Variants in NXPE2 observed in about 807,000 individuals in gnomAD.
NXPE2 encodes NXPE family member 2.
In NXPE2, 34 loss-of-function variants were observed where a neutral mutation model predicts 34.4. That is an observed-to-expected ratio of 0.99 (90% CI 0.75 to 1.31). The LOEUF (loss-of-function observed/expected upper bound fraction) is 1.31, where lower values mean the gene tolerates loss of function less well. Ranked by LOEUF, NXPE2 falls within the 40% of genes most tolerant of loss-of-function variation. The probability of loss-of-function intolerance (pLI) is 0.00; values close to 1 mark genes in which losing one functional copy is unlikely to be tolerated. For synonymous variants in NXPE2, 235 were observed against 231.3 expected, an observed-to-expected ratio of 1.02 and a Z score of -0.15; for missense variants, 649 against 672.5, an observed-to-expected ratio of 0.97 and a Z score of 0.39.
At chr11:114,629,607 G>C in the NXPE2 span, among the ~76,000 whole-genome samples, 7 of 151,918 alleles carry the variant, frequency 4.6e-5, no homozygotes, top group Non-Finnish European at 1.0e-4. Flanking sequence ...TTGAAAACTG[G>C]CACAAGACAG....
chr11:114,577,451 C>A, the NXPE2 span, among the ~76,000 whole-genome samples: 8 of 152,178 alleles, frequency 5.3e-5, no homozygotes, highest in Admixed American at 3.9e-4. Flanking sequence ...GCACAGTGTA[C>A]ACTGCTCGGG....
chr11:114,522,569 C>T, the NXPE2 span: 4 of 1,352,106 alleles, frequency 3.0e-6, no homozygotes, highest in Non-Finnish European at 4.0e-6. Flanking sequence ...AAAAGAATGT[C>T]CTATCATTTA....
chr11:114,770,178 C>A, the NXPE2 span, among the ~76,000 whole-genome samples: 4 of 152,282 alleles, frequency 2.6e-5, no homozygotes, highest in African/African-American at 9.6e-5. Flanking sequence ...TCATGTTACC[C>A]CTAAACTCTA....
chr11:114,588,779 T>C, the NXPE2 span, among the ~76,000 whole-genome samples: 1 of 152,188 alleles, frequency 6.6e-6, no homozygotes. Flanking sequence ...ACAGCCTTTA[T>C]GGAAAGGCTG....
the NXPE2 span, among the ~76,000 whole-genome samples, chr11:114,469,635 A>ACC: frequency 1.2e-4 from 17 of 145,924 alleles, no homozygotes; most frequent in African/African-American, 4.3e-4. Context: ...GATTACATGC[A>ACC]CCCCCCCCAC....
chr11:114,679,764 T>G lies in NXPE2; in HGVS notation c.132+2T>G, dbSNP rs1284702872. 7.9e-6 allele frequency: 12 copies of G among 1,527,548 alleles called. No homozygotes were observed. The East Asian group carries it at 2.9e-4, about 37-fold the overall frequency. 94.6% of individuals were successfully genotyped at this position (1,527,548 alleles called of 1,614,324 possible). ...TTGGCTTCAAAAGACCACACAAAGG[T>G]AGGAAGTTTCATTTTTAAGAATTTC... On this transcript the variant is annotated splice_donor_variant, in intron 2 of 5. Coordinates refer to ENST00000389586, the MANE Select transcript of NXPE2 (RefSeq NM_182495.6). LOFTEE classifies it high-confidence loss of function.
the NXPE2 span, among the ~76,000 whole-genome samples, chr11:114,538,288 T>A: frequency 6.6e-6 from 1 of 152,184 alleles, no homozygotes; most frequent in Non-Finnish European, 1.5e-5. Context: ...TCAAGATGGA[T>A]TAAAGACTTA....
the NXPE2 span, among the ~76,000 whole-genome samples, chr11:114,468,131 TAAAAA>T: frequency 2.2e-5 from 3 of 135,750 alleles, no homozygotes; most frequent in African/African-American, 8.0e-5. Flanking sequence ...GCTGATGAGC[TAAAAA>T]AAAAAAAAAA....
the NXPE2 span, among the ~76,000 whole-genome samples, chr11:114,514,667 G>C: frequency 6.6e-6 from 1 of 152,206 alleles, no homozygotes; most frequent in Admixed American, 6.5e-5. Context: ...GGGATTAGAG[G>C]CCTGAACCAC....
At chr11:114,580,119 G>T in the NXPE2 span, 1 of 1,602,204 alleles carries the variant, frequency 6.2e-7, no homozygotes, top group Non-Finnish European at 8.6e-7. Flanking sequence ...TTATAGCTTA[G>T]ACTGAGGCAT....
chr11:114,789,158 T>C, the NXPE2 span, among the ~76,000 whole-genome samples: 5 of 152,228 alleles, frequency 3.3e-5, no homozygotes, highest in Admixed American at 6.5e-5. Flanking sequence ...TACTTGAAGA[T>C]TGCTAAGAGA....
the NXPE2 span, among the ~76,000 whole-genome samples, chr11:114,798,673 C>T: frequency 2.6e-5 from 4 of 152,252 alleles, no homozygotes; most frequent in Non-Finnish European, 4.4e-5. Context: ...TGAGCCACTG[C>T]ACCCGGCCGG....
At chr11:114,548,425 G>A in the NXPE2 span, among the ~76,000 whole-genome samples, 15 of 151,940 alleles carry the variant, frequency 9.9e-5, no homozygotes, top group African/African-American at 1.9e-4. Context: ...AGGTCATGAA[G>A]AAAACCTCAA....
chr11:114,467,656 C>A, the NXPE2 span, among the ~76,000 whole-genome samples: 1,973 of 152,068 alleles, frequency 0.013, 48 homozygotes, highest in African/African-American at 0.046. Flanking sequence ...AAACTATCGG[C>A]GGGTGCAGTG....
At chr11:114,708,156 T>C (rs1303494289), downstream of NXPE2, among the ~76,000 whole-genome samples, 1 of 152,170 alleles carries the variant, frequency 6.6e-6, no homozygotes, top group African/African-American at 2.4e-5. Flanking sequence ...GAAAACTTAG[T>C]GGGATCATAA....
chr11:114,582,719 A>G, the NXPE2 span: 7 of 1,613,998 alleles, frequency 4.3e-6, no homozygotes, highest in African/African-American at 6.7e-5. Flanking sequence ...AATCCCCGCC[A>G]TATTGCTTCC....
the NXPE2 span, chr11:114,582,983 G>A: frequency 1.9e-6 from 3 of 1,613,728 alleles, no homozygotes; most frequent in Middle Eastern, 1.7e-4. Context: ...AGTTGTTCCA[G>A]TAATGGAGGG....
At chr11:114,496,410 T>C in the NXPE2 span, among the ~76,000 whole-genome samples, 27 of 152,196 alleles carry the variant, frequency 1.8e-4, no homozygotes, top group Non-Finnish European at 3.4e-4. Context: ...AATTCAAGAC[T>C]GTCTTTCCTA....
At chr11:114,574,524 A>G in the NXPE2 span, among the ~76,000 whole-genome samples, 2 of 152,170 alleles carry the variant, frequency 1.3e-5, no homozygotes, top group Non-Finnish European at 2.9e-5. Context: ...AGATATTACA[A>G]CTGATACCAC....
Sources: gnomAD v4.1 joint callset for allele counts (sites outside exome capture counted in the v4.1 genomes callset) on GRCh38, gnomAD v4.1.1 for gene constraint, MANE v1.5 for transcripts, NCBI Gene and HGNC (gene_info 2026-07-23, HGNC 2026-07-21) for gene names.